Variants in RCVRN observed in about 807,000 individuals in gnomAD.
RCVRN encodes recoverin.
In RCVRN, 23 loss-of-function variants were observed where a neutral mutation model predicts 20.4. That is an observed-to-expected ratio of 1.13 (90% CI 0.81 to 1.60). The LOEUF is 1.60. Ranked by LOEUF, RCVRN falls within the 40% of genes most tolerant of loss-of-function variation. RCVRN has a pLI of 0.00. For missense variants in RCVRN, 254 were observed against 254.2 expected (o/e 1.00, Z 0.00); for synonymous variants, 105 against 105.9 (o/e 0.99, Z 0.05).
rs530442233 is a variant in RCVRN, at chr17:9,904,226, A to G, written c.381+574T>C. On this transcript the variant is annotated intron_variant, in intron 1 of 2. Coordinates refer to ENST00000226193, the MANE Select transcript of RCVRN (RefSeq NM_002903.3). This position sits in a 1 kb window ranked among gnomAD's most constrained non-coding sequence, Gnocchi z 5.8. ...ATTGCACTCCAGCTCTGGGCTACAG[A>G]GTGAGACTCCATCTCAAAAAAATAA... 1.1e-4 allele frequency among the ~76,000 whole-genome samples: 17 copies of G among 152,304 alleles called. No homozygotes were observed. In the South Asian group the frequency reaches 3.5e-3, roughly 32 times the overall value.
At chr17:9,902,882 G>A (rs1381313014) in intron 1 of RCVRN, among the ~76,000 whole-genome samples, 3 of 152,142 alleles carry the variant, frequency 2.0e-5, no homozygotes, top group African/African-American at 4.8e-5. Flanking sequence ...CCAGCTACTC[G>A]TGAGGCTGAG....
At chr17:9,902,563 T>TAAGTAAA (rs200892147) in intron 1 of RCVRN, among the ~76,000 whole-genome samples, 143 of 149,520 alleles carry the variant, frequency 9.6e-4, no homozygotes, top group African/African-American at 2.4e-3. Flanking sequence ...TGAAAAAGAA[T>TAAGTAAA]AAATTAAAAA....
chr17:9,905,090 A>G lies in RCVRN; in HGVS notation c.91T>C (p.Trp31Arg). ...TKFSEEELCS[W>R]YQSFLKDCPT... is the part of the protein sequence containing the mutation. The stretch of plus-strand genomic sequence containing the variant: ...CAGTCCTTCAGGAAGGACTGGTACC[A>G]GGAGCACAGCTCCTCCTCCGAGAAC... Residue 31 changes from tryptophan to arginine, a missense_variant, in exon 1 of 3, where the codon TGG becomes CGG. Coordinates refer to ENST00000226193, the MANE Select transcript of RCVRN (RefSeq NM_002903.3). 2.5e-6 allele frequency: 4 copies of G among 1,610,652 alleles called. No individual in the cohort carries two copies. Among genetic ancestry groups the G allele is most frequent in the Non-Finnish European group, 3.4e-6 (4 of 1,178,418 alleles).
In RCVRN at chr17:9,898,005, C is replaced by T. The variant is rs565781277; in HGVS notation, c.*90G>A. 5.4e-5 allele frequency: 42 copies of T among 779,550 alleles called. No homozygotes were observed. Among genetic ancestry groups the T allele is most frequent in the East Asian group, 1.5e-4 (6 of 40,594 alleles). 48.3% of individuals were successfully genotyped at this position (779,550 alleles called of 1,614,324 possible). On this transcript the variant is annotated 3_prime_UTR_variant, in exon 3 of 3. Coordinates refer to ENST00000226193, the MANE Select transcript of RCVRN (RefSeq NM_002903.3). The stretch of plus-strand genomic sequence containing the variant: ...GGATGTGTGTGTGTGTGTGTGCGCG[C>T]GCGTGTGTGTGCATGTGTGTGTGTG...
At position 9,904,986 on chromosome 17, in the gene RCVRN, G is replaced by A. The variant is rs746649664; in HGVS notation, c.195C>T (p.Tyr65=). The change falls in exon 1 of 3, where the codon TAC becomes TAT. Residue 65 remains tyrosine, a synonymous_variant. Coordinates refer to ENST00000226193, the MANE Select transcript of RCVRN (RefSeq NM_002903.3). This position sits in a 1 kb window ranked among gnomAD's most constrained non-coding sequence, Gnocchi z 5.8. ...CGAAGCTGCGGAACACATGCTGGGC[G>A]TAGGCCTTGGGGTCGGTGTCGGGGA... The part of the protein sequence containing the change: ...KFFPDTDPKA[Y]AQHVFRSFDS... 7 of 1,614,116 alleles carry A rather than the reference G, an allele frequency of 4.3e-6. No individual in the cohort carries two copies. The highest frequency in any genetic ancestry group is 5.9e-6 in the Non-Finnish European group (7 of 1,180,060).
rs1244069587 is a variant in RCVRN, at chr17:9,897,713, A to G, written c.*382T>C. ...AAGGATGACCAGCAGCCACGTGCCC[A>G]GCTCAGCTTGCGTTTATTGGAAACT... On this transcript the variant is annotated 3_prime_UTR_variant, in exon 3 of 3. Coordinates refer to ENST00000226193, the MANE Select transcript of RCVRN (RefSeq NM_002903.3). 1 of 176,790 alleles carries G rather than the reference A, an allele frequency of 5.7e-6. No individual in the cohort carries two copies. The highest frequency in any genetic ancestry group is 1.6e-4 in the East Asian group (1 of 6,448). The allele number at this position is 176,790 out of a possible 1,614,324, so 11.0% of individuals were successfully genotyped here.
intron 1 of RCVRN, among the ~76,000 whole-genome samples, chr17:9,903,338 G>A (rs893982126): frequency 6.6e-6 from 1 of 152,224 alleles, no homozygotes; most frequent in South Asian, 2.1e-4. Context: ...CTGACAGGAG[G>A]ACAGTATGGA....
intron 2 of RCVRN, 45 bp downstream of exon 2, chr17:9,900,944 G>C (rs753197604): frequency 6.7e-6 from 8 of 1,186,142 alleles, no homozygotes; most frequent in Non-Finnish European, 1.0e-5. Context: ...CCAGGAAACA[G>C]CCCATGGTTG....
At position 9,904,742 on chromosome 17, in the gene RCVRN, C is replaced by T; in HGVS notation, c.381+58G>A. Reference sequence around the variant, plus strand: ...CCTCTGCAGCAGCTGCAGCAGGGGACCCCCAGCCCGGAGCGACCCCGGCAC... The same window carrying T: ...CCTCTGCAGCAGCTGCAGCAGGGGATCCCCAGCCCGGAGCGACCCCGGCAC... On this transcript the variant is annotated intron_variant, in intron 1 of 2. Coordinates refer to ENST00000226193, the MANE Select transcript of RCVRN (RefSeq NM_002903.3). This position sits in a 1 kb window ranked among gnomAD's most constrained non-coding sequence, Gnocchi z 5.8. 1.9e-6 allele frequency: 3 copies of T among 1,563,156 alleles called. No homozygotes were observed. Among genetic ancestry groups the T allele is most frequent in the Admixed American group, 1.8e-5 (1 of 57,082 alleles).
chr17:9,901,141 T>C (rs370416549), intron 1 of RCVRN, 41 bp from the exon 2 acceptor site: 2 of 1,198,098 alleles, frequency 1.7e-6, no homozygotes, highest in East Asian at 4.8e-5. Context: ...GGAGGAACTT[T>C]AAGGGGCTGG....
chr17:9,898,192 T>C lies in RCVRN; in HGVS notation c.506A>G (p.Glu169Gly), dbSNP rs111535086. ...CAGTGTCCCCTCAATGAATTCTTTC[T>C]CTGTAAGTTTATCTGTGCATTGGGA... ...FGKNDDDKLT[E>G]KEFIEGTLAN... is the part of the protein sequence containing the mutation. The change falls in exon 3 of 3, where the codon GAG (glutamate) becomes GGG (glycine). Residue 169 changes from glutamate to glycine, a missense_variant. Transcript: ENST00000226193. The C allele has an allele frequency of 5.0e-6, 8 of 1,610,680 alleles. No individual in the cohort carries two copies. In the African/African-American group the frequency reaches 5.3e-5, roughly 11 times the overall value.
intron 1 of RCVRN, among the ~76,000 whole-genome samples, chr17:9,902,330 GC>G (rs1230058335): frequency 6.6e-6 from 1 of 152,104 alleles, no homozygotes; most frequent in East Asian, 1.9e-4. Flanking sequence ...AGAATGGGAG[GC>G]CCGAGCTGAG....
In RCVRN at chr17:9,904,354, T is replaced by C. The variant is rs1253367735; in HGVS notation, c.381+446A>G. Among the ~76,000 whole-genome samples, 1 of 152,032 alleles carries C rather than the reference T, an allele frequency of 6.6e-6. No homozygotes were observed. The highest frequency in any genetic ancestry group is 2.4e-5 in the African/African-American group (1 of 41,362). On this transcript the variant is annotated intron_variant, in intron 1 of 2. Transcript: ENST00000226193. The surrounding 1 kb of genome is among the most constrained non-coding windows in gnomAD (Gnocchi z 5.8). Reference sequence around the variant, plus strand: ...TGCTCTGGGTGAGTCAGTGAGTGAGTAGTGAGTGAATGTGAAGAACTAGGA... The same window carrying C: ...TGCTCTGGGTGAGTCAGTGAGTGAGCAGTGAGTGAATGTGAAGAACTAGGA...
In RCVRN at chr17:9,899,937, G is replaced by A. The variant is rs1361528777; in HGVS notation, c.493+1052C>T. Among the ~76,000 whole-genome samples the A allele has an allele frequency of 1.3e-5, 2 of 152,144 alleles. No homozygotes were observed. The highest frequency in any genetic ancestry group is 4.8e-5 in the African/African-American group (2 of 41,432). ...ACCTTGGCAGAAGACTGCCTCCAGA[G>A]GTCACCAAAGGGGTTAATACAGGAC... On this transcript the variant is annotated intron_variant, in intron 2 of 2. Transcript: ENST00000226193. The surrounding 1 kb of genome is among the most constrained non-coding windows in gnomAD (Gnocchi z 4.6).
intron 2 of RCVRN, 121 bp from the exon 3 acceptor site, chr17:9,898,325 T>G (rs922958519): frequency 4.4e-6 from 3 of 678,516 alleles, no homozygotes; most frequent in Non-Finnish European, 8.0e-6. Context: ...TATAAGAATA[T>G]TGAATACTCA....
rs114627808 is a variant in RCVRN at position 9,899,022 on chromosome 17, C to T, written c.494-818G>A. ...TTGGAGCCAAGGCCACCACAGGGAG[C>T]GGAGGCGGGGTGTACAATAGAAGAG... On this transcript the variant is annotated intron_variant, in intron 2 of 2. Transcript: ENST00000226193. The surrounding 1 kb of genome is among the most constrained non-coding windows in gnomAD (Gnocchi z 4.6). Among the ~76,000 whole-genome samples the T allele has an allele frequency of 2.7e-3, 411 of 152,252 alleles. 2 individuals are homozygous for T. Among genetic ancestry groups the T allele is most frequent in the African/African-American group, 9.2e-3 (384 of 41,544 alleles).
rs1004062497 is a variant in RCVRN at position 9,897,369 on chromosome 17, C to T, written c.*726G>A. 1.1e-4 allele frequency: 16 copies of T among 151,742 alleles called. No homozygotes were observed. The highest frequency in any genetic ancestry group is 3.6e-4 in the African/African-American group (15 of 41,290). The allele number at this position is 151,742 out of a possible 1,614,324, so 9.4% of individuals were successfully genotyped here. A position where few individuals can be genotyped will look rare whatever the true frequency, so the allele number is the denominator to read the frequency against. On this transcript the variant is annotated 3_prime_UTR_variant, in exon 3 of 3. Transcript: ENST00000226193. Reference sequence around the variant, plus strand: ...CCGCCTTCTGTTTGAGACTTCCCCACCCCGACCCCGTCCCCCGCCTCGTGT... The same window carrying T: ...CCGCCTTCTGTTTGAGACTTCCCCATCCCGACCCCGTCCCCCGCCTCGTGT...
At position 9,904,901 on chromosome 17, in the gene RCVRN, T is replaced by C; in HGVS notation, c.280A>G (p.Thr94Ala). ...AGCTTCTGGTTGGTCTTGCCCGCGG[T>C]GGTCATGTGCAGGGCGATGACGTAC... ...KEYVIALHMT[T>A]AGKTNQKLEW... is the part of the protein sequence containing the mutation. Residue 94 changes from threonine to alanine, a missense_variant, in exon 1 of 3, where the codon ACC (threonine) becomes GCC (alanine). Physicochemically the swap from Thr to Ala is moderately conservative, Grantham distance 58. Coordinates refer to ENST00000226193, the MANE Select transcript of RCVRN (RefSeq NM_002903.3). This position sits in a 1 kb window ranked among gnomAD's most constrained non-coding sequence, Gnocchi z 5.8. The C allele has an allele frequency of 6.2e-7, 1 of 1,614,146 alleles. No individual in the cohort carries two copies. The highest frequency in any genetic ancestry group is 2.2e-5 in the East Asian group (1 of 44,890).
chr17:9,900,942 C>T (rs374974925), intron 2 of RCVRN, 47 bp downstream of exon 2: 5 of 1,160,562 alleles, frequency 4.3e-6, no homozygotes, highest in Non-Finnish European at 6.4e-6. Context: ...TTCCAGGAAA[C>T]AGCCCATGGT....
Sources: allele counts gnomAD v4.1 joint callset (sites outside exome capture counted in the v4.1 genomes callset), GRCh38; gene constraint gnomAD v4.1.1; non-coding constraint Gnocchi (gnomAD v3.1); transcripts MANE v1.5; gene names NCBI Gene and HGNC (gene_info 2026-07-23, HGNC 2026-07-21).